Variants in RBM26 observed in about 807,000 individuals in gnomAD.
The protein encoded by RBM26 is RNA-binding protein 26.
A neutral mutation model predicts 123.6 loss-of-function variants in RBM26; 30 were observed. That is an observed-to-expected ratio of 0.24 (90% CI 0.18 to 0.33). The LOEUF is 0.33. Ranked by LOEUF, RBM26 falls within the 10% of genes least tolerant of loss-of-function variation. The pLI is 1.00. For synonymous variants in RBM26, 400 were observed against 404.4 expected (o/e 0.99, Z 0.13); for missense variants, 947 against 1,203.6 (o/e 0.79, Z 3.15).
At chr13:79,342,535 GGA>G (rs2071588321) in intron 17 of RBM26, 127 bp downstream of exon 17, 1 of 655,614 alleles carries the variant, frequency 1.5e-6, no homozygotes, top group African/African-American at 1.9e-5. Flanking sequence ...TATGGCAGGG[GGA>G]GAATGGTACA....
intron 19 of RBM26, 57 bp downstream of exon 19, chr13:79,337,045 T>C: frequency 6.8e-7 from 1 of 1,466,590 alleles, no homozygotes. Flanking sequence ...TTTAATTATG[T>C]CTACTATCCC....
chr13:79,346,481 G>C (rs754666196), intron 14 of RBM26, among the ~76,000 whole-genome samples: 2 of 152,038 alleles, frequency 1.3e-5, no homozygotes, highest in African/African-American at 2.4e-5. Context: ...ATGGGCTCAA[G>C]TGATCCTCAG....
chr13:79,405,735 T>C lies in RBM26; in HGVS notation c.40A>G (p.Lys14Glu). ...TCGAGAGTCTTGCTGAGCCAGGACTTGAGTGCCTCGAAGTTTTCAATGATC... is the reference window on the plus strand; with the variant it reads ...TCGAGAGTCTTGCTGAGCCAGGACTCGAGTGCCTCGAAGTTTTCAATGATC... ...KMIIENFEAL[K>E]SWLSKTLEPI... is the part of the protein sequence containing the mutation. The change falls in exon 1 of 22, where the codon AAG becomes GAG. Residue 14 changes from lysine (K) to glutamate (E), a missense_variant. Around this residue, in one of 5 missense-constraint regions of RBM26, gnomAD observed 275 missense variants for 361.0 expected, o/e 0.76. Transcript: ENST00000438737. The C allele has an allele frequency of 1.3e-6, 2 of 1,599,630 alleles. No homozygotes were observed. Among genetic ancestry groups the C allele is most frequent in the Non-Finnish European group, 8.5e-7 (1 of 1,172,580 alleles).
At chr13:79,405,615 C>G in intron 1 of RBM26, 89 bp downstream of exon 1, 1 of 863,220 alleles carries the variant, frequency 1.2e-6, no homozygotes. Flanking sequence ...TCGGCCTCCA[C>G]CGCAGGCACT....
chr13:79,360,408 A>G (rs2139706093), intron 9 of RBM26, among the ~76,000 whole-genome samples: 1 of 152,232 alleles, frequency 6.6e-6, no homozygotes, highest in African/African-American at 2.4e-5. Context: ...CTCACATGCC[A>G]AATTAAAATG....
intron 11 of RBM26, among the ~76,000 whole-genome samples, chr13:79,356,242 A>G (rs1256163269): frequency 6.6e-6 from 1 of 152,032 alleles, no homozygotes; most frequent in Non-Finnish European, 1.5e-5. Context: ...GGTGGCACAC[A>G]ACTGTGGTCC....
intron 14 of RBM26, among the ~76,000 whole-genome samples, chr13:79,345,529 T>C (rs1218271463): frequency 6.6e-6 from 1 of 152,140 alleles, no homozygotes; most frequent in Non-Finnish European, 1.5e-5. Context: ...CATAAAGACT[T>C]GCCTTTCTCT....
At chr13:79,364,026 T>A (rs2074999771) in intron 9 of RBM26, among the ~76,000 whole-genome samples, 1 of 152,166 alleles carries the variant, frequency 6.6e-6, no homozygotes, top group Non-Finnish European at 1.5e-5. Context: ...GGAGACAGGT[T>A]CAGGATATAG....
At chr13:79,367,886 T>C (rs1167148415) in intron 6 of RBM26, among the ~76,000 whole-genome samples, 2 of 152,172 alleles carry the variant, frequency 1.3e-5, no homozygotes, top group East Asian at 3.8e-4. Context: ...GACTTAAATA[T>C]AATTTTTGTC....
intron 1 of RBM26, among the ~76,000 whole-genome samples, chr13:79,381,644 T>G (rs1243863421): frequency 6.6e-6 from 1 of 152,058 alleles, no homozygotes; most frequent in East Asian, 1.9e-4. Flanking sequence ...AATAGGACAT[T>G]TTAAAACTGA....
In RBM26 at chr13:79,342,765, T is replaced by C; in HGVS notation, c.2326A>G (p.Thr776Ala). The stretch of plus-strand genomic sequence containing the variant: ...ATATTTTTTGTCAAAACCTCTAAAG[T>C]TTTCATTATTTCTGCTTTATCTTCA... ...KSEDKAEIMK[T>A]LEVLTKNITK... The change falls in exon 17 of 22, where the codon ACT becomes GCT. Residue 776 changes from threonine to alanine, a missense_variant. Around this residue, in one of 5 missense-constraint regions of RBM26, gnomAD observed 493 missense variants for 563.1 expected, o/e 0.88. Coordinates refer to ENST00000438737, the MANE Select transcript of RBM26 (RefSeq NM_001366735.2). The C allele has an allele frequency of 6.2e-7, 1 of 1,610,322 alleles. No homozygotes were observed. The highest frequency in any genetic ancestry group is 8.5e-7 in the Non-Finnish European group (1 of 1,177,332).
chr13:79,382,413 G>A (rs1317631543), intron 1 of RBM26, among the ~76,000 whole-genome samples: 1 of 152,088 alleles, frequency 6.6e-6, no homozygotes, highest in Non-Finnish European at 1.5e-5. Context: ...AAGCAGACCT[G>A]AAATTGCCTT....
At chr13:79,375,276 G>A (rs1050183897) in intron 3 of RBM26, among the ~76,000 whole-genome samples, 5 of 150,108 alleles carry the variant, frequency 3.3e-5, no homozygotes, top group African/African-American at 1.2e-4. Flanking sequence ...AGGTTCAAGC[G>A]ATTCTCCTGT....
intron 19 of RBM26, among the ~76,000 whole-genome samples, chr13:79,336,176 ATTCT>A (rs1255363572): frequency 2.6e-5 from 4 of 152,164 alleles, no homozygotes; most frequent in African/African-American, 4.8e-5. Context: ...TAGCTTACCT[ATTCT>A]TTAAGATCTA....
intron 9 of RBM26, among the ~76,000 whole-genome samples, chr13:79,364,128 T>TG (rs2075012796): frequency 8.9e-6 from 1 of 112,648 alleles, no homozygotes; most frequent in Non-Finnish European, 2.0e-5. Context: ...TTAAAAAAAA[T>TG]CTTTTTTCTA....
At chr13:79,387,189 C>G (rs1274907829) in intron 1 of RBM26, among the ~76,000 whole-genome samples, 1 of 151,920 alleles carries the variant, frequency 6.6e-6, no homozygotes, top group Admixed American at 6.6e-5. Flanking sequence ...ACTTGCCAAA[C>G]TAGAAATAAT....
chr13:79,336,349 T>A (rs1201021769), intron 19 of RBM26, among the ~76,000 whole-genome samples: 1 of 152,208 alleles, frequency 6.6e-6, no homozygotes, highest in Non-Finnish European at 1.5e-5. Flanking sequence ...GTTAAACTGA[T>A]ACATGTAAAA....
At chr13:79,391,195 C>T (rs1175124101) in intron 1 of RBM26, among the ~76,000 whole-genome samples, 1 of 152,170 alleles carries the variant, frequency 6.6e-6, no homozygotes, top group Admixed American at 6.5e-5. Flanking sequence ...TGGTAAGTCA[C>T]AGTATGATTT....
intron 1 of RBM26, among the ~76,000 whole-genome samples, chr13:79,398,720 C>G (rs892653696): frequency 5.9e-5 from 9 of 152,022 alleles, no homozygotes; most frequent in African/African-American, 1.7e-4. Flanking sequence ...AAAAAAAAAT[C>G]TGAACTTAAG....
Sources: gnomAD v4.1 joint callset for allele counts (sites outside exome capture counted in the v4.1 genomes callset) on GRCh38, gnomAD v4.1.1 for gene constraint, gnomAD v4.1.1 regional missense constraint, MANE v1.5 for transcripts, NCBI Gene and HGNC (gene_info 2026-07-23, HGNC 2026-07-21) for gene names.